JARID2: variants seen among roughly 807,000 people sequenced by gnomAD.
JARID2 encodes the protein jumonji and AT-rich interaction domain containing 2.
In JARID2, 21 loss-of-function variants were observed where a neutral mutation model predicts 125.6. The observed-to-expected ratio is 0.17, with a 90% confidence interval of 0.12 to 0.24. JARID2 has a LOEUF of 0.24. JARID2 is among the 10% of genes least tolerant of loss of function. The probability of loss-of-function intolerance (pLI) is 1.00; values close to 1 mark genes in which losing one functional copy is unlikely to be tolerated. For synonymous variants in JARID2, 736 were observed against 661.6 expected, an observed-to-expected ratio of 1.11 and a Z score of -1.73; for missense variants, 1,303 against 1,639.6, an observed-to-expected ratio of 0.79 and a Z score of 3.55.
intron 1 of JARID2, among the ~76,000 whole-genome samples, chr6:15,348,252 C>G (rs557042625): frequency 6.6e-6 from 1 of 151,802 alleles, no homozygotes; most frequent in Admixed American, 6.6e-5. Context: ...CCACCACACC[C>G]GGCTAATTTT....
chr6:15,377,918 C>T (rs1256031336), intron 2 of JARID2, among the ~76,000 whole-genome samples: 1 of 149,952 alleles, frequency 6.7e-6, no homozygotes, highest in Non-Finnish European at 1.5e-5. Flanking sequence ...ATGGAGTTTC[C>T]CTCTGTTGCC....
chr6:15,264,640 T>TGTGA (rs1554116824), intron 1 of JARID2, among the ~76,000 whole-genome samples: 68 of 150,408 alleles, frequency 4.5e-4, no homozygotes, highest in East Asian at 2.4e-3. Flanking sequence ...TGTGTGTGTG[T>TGTGA]GAGAGAGAGA....
rs1182508207 is a variant in JARID2, at chr6:15,365,982, G to A, written c.46-8135G>A. On this transcript the variant is annotated intron_variant, in intron 1 of 17. Transcript: ENST00000341776. ...CTACTGTTACTTTGTTAAAAGGGAA[G>A]AAAAGGTTATTTTAGACAAAGTTGA... Among the ~76,000 whole-genome samples the A allele has an allele frequency of 2.0e-5, 3 of 152,186 alleles. No homozygotes were observed. The South Asian group carries it at 6.2e-4, about 32-fold the overall frequency.
At chr6:15,333,977 A>G (rs1198027022) in intron 1 of JARID2, among the ~76,000 whole-genome samples, 3 of 152,144 alleles carry the variant, frequency 2.0e-5, no homozygotes, top group East Asian at 1.9e-4. Flanking sequence ...TTGGATGAAC[A>G]CACAAAATAT....
At chr6:15,355,887 A>T (rs372837884) in intron 1 of JARID2, among the ~76,000 whole-genome samples, 28 of 152,362 alleles carry the variant, frequency 1.8e-4, no homozygotes, top group East Asian at 5.8e-4. Context: ...CTGGGATTAC[A>T]GGCGTGAGCC....
chr6:15,390,436 C>T (rs1764956434), intron 2 of JARID2, among the ~76,000 whole-genome samples: 1 of 152,164 alleles, frequency 6.6e-6, no homozygotes, highest in Non-Finnish European at 1.5e-5. Flanking sequence ...GCAGCCCATG[C>T]TTGGTGCTTC....
At chr6:15,274,079 C>T (rs777702354) in intron 1 of JARID2, among the ~76,000 whole-genome samples, 11 of 152,122 alleles carry the variant, frequency 7.2e-5, no homozygotes, top group Non-Finnish European at 1.5e-4. Context: ...TAGGCGCCCG[C>T]CACCACGCCT....
At chr6:15,435,084 C>A (rs367627901) in intron 3 of JARID2, among the ~76,000 whole-genome samples, 1 of 152,132 alleles carries the variant, frequency 6.6e-6, no homozygotes, top group Admixed American at 6.5e-5. Context: ...TCAAACTTGG[C>A]TTTTATTTGT....
intron 1 of JARID2, among the ~76,000 whole-genome samples, chr6:15,274,138 C>T (rs1760404026): frequency 6.6e-6 from 1 of 152,128 alleles, no homozygotes; most frequent in Non-Finnish European, 1.5e-5. Context: ...CCGTTTTGGC[C>T]AGGCTGGTCT....
intron 6 of JARID2, among the ~76,000 whole-genome samples, chr6:15,488,806 A>ACC (rs1770006939): frequency 1.3e-5 from 2 of 152,136 alleles, no homozygotes; most frequent in African/African-American, 4.8e-5. Flanking sequence ...GTCCACACAC[A>ACC]CCTAGCACAT....
intron 1 of JARID2, among the ~76,000 whole-genome samples, chr6:15,300,722 TGAGAGAGAGAGAGA>T (rs57766040): frequency 1.8e-5 from 2 of 111,200 alleles, no homozygotes; most frequent in African/African-American, 7.4e-5. Flanking sequence ...TGTGTGTGTG[TGAGAGAGAGAGAGA>T]GAGAGAGAGA....
chr6:15,382,272 C>A (rs1172384753), intron 2 of JARID2, among the ~76,000 whole-genome samples: 2 of 152,106 alleles, frequency 1.3e-5, no homozygotes, highest in African/African-American at 4.8e-5. Context: ...AAAAACAGAA[C>A]CAAAAACCCC....
At chr6:15,493,182 C>T (rs1389261684) in intron 6 of JARID2, among the ~76,000 whole-genome samples, 3 of 151,932 alleles carry the variant, frequency 2.0e-5, no homozygotes, top group South Asian at 2.1e-4. Flanking sequence ...AGACATAGCA[C>T]TCTGGTATTT....
rs1371036622 is a variant in JARID2, at chr6:15,415,965, C to T, written c.323+5600C>T. On this transcript the variant is annotated intron_variant, in intron 3 of 17. Transcript: ENST00000341776. ...TGCCGGGCGGAGGGTCTCCTCACTTCTCAGACAGGGCGGCTGGGCAGAGAC... is the reference window on the plus strand; with the variant it reads ...TGCCGGGCGGAGGGTCTCCTCACTTTTCAGACAGGGCGGCTGGGCAGAGAC... Among the ~76,000 whole-genome samples the T allele has an allele frequency of 1.9e-4, 29 of 150,862 alleles. 1 individual carries two copies. The highest frequency in any genetic ancestry group is 3.3e-4 in the Admixed American group (5 of 15,222).
At chr6:15,507,108 C>A in intron 9 of JARID2, 28 bp from the exon 10 acceptor site, 1 of 1,457,254 alleles carries the variant, frequency 6.9e-7, no homozygotes. Context: ...CTTAGGGGTG[C>A]TGACCAGCCC....
intron 1 of JARID2, among the ~76,000 whole-genome samples, chr6:15,275,510 A>G (rs1402335315): frequency 7.4e-6 from 1 of 134,808 alleles, no homozygotes; most frequent in African/African-American, 2.8e-5. Flanking sequence ...CATTTTAATT[A>G]AAGTCCATTT....
chr6:15,255,138 C>CTTT (rs753848936), intron 1 of JARID2, among the ~76,000 whole-genome samples: 72 of 121,174 alleles, frequency 5.9e-4, no homozygotes, highest in Middle Eastern at 4.5e-3. Flanking sequence ...ACTAGGAATT[C>CTTT]TTTTTTTTTT....
chr6:15,361,694 C>A (rs1763797790), intron 1 of JARID2, among the ~76,000 whole-genome samples: 1 of 152,050 alleles, frequency 6.6e-6, no homozygotes, highest in Admixed American at 6.6e-5. Context: ...AAACCCCCAA[C>A]TGCCACATTA....
intron 1 of JARID2, chr6:15,248,885 G>C (rs572926824): frequency 1.0e-6 from 1 of 984,536 alleles, no homozygotes; most frequent in African/African-American, 1.7e-5. Context: ...GCAGAGCCGG[G>C]CTGCGGCGTG....
Sources: gnomAD v4.1 joint callset for allele counts (sites outside exome capture counted in the v4.1 genomes callset) on GRCh38, gnomAD v4.1.1 for gene constraint, MANE v1.5 for transcripts, NCBI Gene and HGNC (gene_info 2026-07-23, HGNC 2026-07-21) for gene names.